CRACR2A: variants seen among roughly 807,000 people sequenced by gnomAD.
CRACR2A encodes calcium release activated channel regulator 2A.
In CRACR2A, 79 loss-of-function variants were observed where a neutral mutation model predicts 90.5. That is an observed-to-expected ratio of 0.87 (90% CI 0.73 to 1.05). The LOEUF (loss-of-function observed/expected upper bound fraction) is 1.05. CRACR2A is among the 50% of genes least tolerant of loss of function. CRACR2A has a pLI of 0.00. For missense variants in CRACR2A, 823 were observed against 897.2 expected (o/e 0.92, Z 1.06); for synonymous variants, 338 against 356.7 (o/e 0.95, Z 0.59).
chr12:3,618,898 C>G (rs150744717), intron 18 of CRACR2A, among the ~76,000 whole-genome samples: 2 of 152,324 alleles, frequency 1.3e-5, no homozygotes, highest in South Asian at 2.1e-4. Flanking sequence ...GAAGAATACA[C>G]TGCTTTGCAG....
At chr12:3,660,593 G>A (rs1187679751) in intron 7 of CRACR2A, among the ~76,000 whole-genome samples, 1 of 151,918 alleles carries the variant, frequency 6.6e-6, no homozygotes, top group Non-Finnish European at 1.5e-5. Context: ...CAACTTCAAT[G>A]CCCCTCCAAA....
At chr12:3,726,019 CA>C (rs752891120) in intron 2 of CRACR2A, 2 of 152,262 alleles carry the variant, frequency 1.3e-5, no homozygotes, top group East Asian at 3.9e-4. Context: ...AGTGGTGCTC[CA>C]CCCTATCCAA....
At position 3,666,275 on chromosome 12, in the gene CRACR2A, C is replaced by T. The variant is rs1262786895; in HGVS notation, c.672-6621G>A. Among the ~76,000 whole-genome samples, 4 of 152,084 alleles carry T rather than the reference C, an allele frequency of 2.6e-5. 1 individual carries two copies. The highest frequency in any genetic ancestry group is 2.6e-4 in the Admixed American group (4 of 15,292). On this transcript the variant is annotated intron_variant, in intron 7 of 19. Transcript: ENST00000440314. ...CCCAGGTCCAGCTCAGGGCATTAAA[C>T]ATCTTCACCCAAGATATCTGGTTCT...
chr12:3,693,892 C>T (rs777578558), intron 4 of CRACR2A, among the ~76,000 whole-genome samples: 21 of 152,178 alleles, frequency 1.4e-4, no homozygotes, highest in Admixed American at 1.3e-3. Context: ...CATCAGCTGG[C>T]GTGGCGCCTC....
intron 3 of CRACR2A, among the ~76,000 whole-genome samples, chr12:3,709,779 GA>G (rs1405621717): frequency 1.3e-5 from 2 of 152,014 alleles, no homozygotes; most frequent in Non-Finnish European, 2.9e-5. Flanking sequence ...TCCGTCTCAA[GA>G]AAAAAAATTA....
intron 6 of CRACR2A, among the ~76,000 whole-genome samples, chr12:3,678,076 T>A (rs73049124): frequency 6.6e-6 from 1 of 151,918 alleles, no homozygotes; most frequent in Non-Finnish European, 1.5e-5. Flanking sequence ...GAAACATACA[T>A]CTAACCCAAG....
chr12:3,642,212 TG>T (rs567271904), intron 12 of CRACR2A, among the ~76,000 whole-genome samples: 1,218 of 120,774 alleles, frequency 0.01, 6 homozygotes, highest in Middle Eastern at 0.021. Flanking sequence ...TTATCTCTTC[TG>T]AAAAAATATA....
At chr12:3,667,700 C>T (rs904218881) in intron 7 of CRACR2A, among the ~76,000 whole-genome samples, 9 of 152,232 alleles carry the variant, frequency 5.9e-5, no homozygotes, top group Non-Finnish European at 8.8e-5. Flanking sequence ...CAGGCAGCTG[C>T]AGTCCTCTGA....
At chr12:3,700,181 T>G (rs761097809) in intron 3 of CRACR2A, among the ~76,000 whole-genome samples, 8 of 152,142 alleles carry the variant, frequency 5.3e-5, no homozygotes, top group Non-Finnish European at 1.0e-4. Context: ...AGAATTAGTA[T>G]CTTCCTAAGA....
intron 2 of CRACR2A, among the ~76,000 whole-genome samples, chr12:3,722,185 ATCT>A (rs368464530): frequency 9.5e-4 from 145 of 152,244 alleles, no homozygotes; most frequent in African/African-American, 3.5e-3. Context: ...AGTCAACAAA[ATCT>A]TCTTGGATGT....
At chr12:3,729,464 G>C (rs1946326205) in intron 2 of CRACR2A, 1 of 152,212 alleles carries the variant, frequency 6.6e-6, no homozygotes. Context: ...CAGCACTTTG[G>C]GAGGACGAGG....
chr12:3,721,985 A>G (rs1022483082), intron 2 of CRACR2A, among the ~76,000 whole-genome samples: 5 of 152,152 alleles, frequency 3.3e-5, no homozygotes, highest in Non-Finnish European at 7.4e-5. Flanking sequence ...TGTCATGCCA[A>G]ATTGACTCAG....
chr12:3,724,122 C>T (rs1946225167), intron 2 of CRACR2A, among the ~76,000 whole-genome samples: 1 of 152,152 alleles, frequency 6.6e-6, no homozygotes, highest in Non-Finnish European at 1.5e-5. Flanking sequence ...CATCACAGTC[C>T]CTAGATTCTT....
intron 4 of CRACR2A, among the ~76,000 whole-genome samples, chr12:3,681,707 T>C (rs1246298283): frequency 6.6e-6 from 1 of 152,190 alleles, no homozygotes; most frequent in Non-Finnish European, 1.5e-5. Context: ...AAGAAAGGTA[T>C]ATACCAACCT....
At chr12:3,648,343 C>T (rs1169042403) in intron 11 of CRACR2A, 199 bp downstream of exon 11, 26 of 1,480,320 alleles carry the variant, frequency 1.8e-5, no homozygotes, top group South Asian at 9.8e-5. Flanking sequence ...TGGATGTGGG[C>T]GCATGTGTAA....
At chr12:3,619,459 A>C (rs1591631315) in intron 17 of CRACR2A, 87 bp from the exon 18 acceptor site, 1 of 1,038,384 alleles carries the variant, frequency 9.6e-7, no homozygotes, top group Admixed American at 2.1e-5. Flanking sequence ...GACAGATGGG[A>C]CCTCGCTTGA....
At chr12:3,660,088 TC>T (rs368945392) in intron 7 of CRACR2A, among the ~76,000 whole-genome samples, 11 of 152,336 alleles carry the variant, frequency 7.2e-5, no homozygotes, top group African/African-American at 2.6e-4. Context: ...TCTTTCCTGT[TC>T]CGTTTCCTGG....
chr12:3,693,877 C>T (rs184303445), intron 4 of CRACR2A, among the ~76,000 whole-genome samples: 119 of 152,342 alleles, frequency 7.8e-4, no homozygotes, highest in African/African-American at 2.6e-3. Flanking sequence ...ACCCTCTGGG[C>T]TCTGCATCAG....
intron 15 of CRACR2A, among the ~76,000 whole-genome samples, chr12:3,631,799 T>C (rs1468834321): frequency 6.6e-6 from 1 of 152,148 alleles, no homozygotes; most frequent in East Asian, 1.9e-4. Context: ...GGAGAAATGT[T>C]AGAAGGGCCA....
Sources: gnomAD v4.1 joint callset for allele counts (sites outside exome capture counted in the v4.1 genomes callset) on GRCh38, gnomAD v4.1.1 for gene constraint, MANE v1.5 for transcripts, NCBI Gene and HGNC (gene_info 2026-07-23, HGNC 2026-07-21) for gene names.